The following RAD51B variants were observed in gnomAD, a reference collection of about 807,000 sequenced individuals.
The protein encoded by RAD51B is DNA repair protein RAD51 homolog 2.
In RAD51B, 38 loss-of-function variants were observed where a neutral mutation model predicts 42.2. The observed-to-expected ratio is 0.90, with a 90% CI of 0.70 to 1.18. RAD51B has a LOEUF of 1.18. Among genes scored for constraint, RAD51B ranks in the 50% most tolerant of loss-of-function variants. RAD51B has a pLI of 0.00. For missense variants in RAD51B, 373 were observed against 400.7 expected (o/e 0.93, Z 0.59); for synonymous variants, 154 against 145.2 (o/e 1.06, Z -0.43).
intron 7 of RAD51B, among the ~76,000 whole-genome samples, chr14:68,009,025 T>TA (rs1263734623): frequency 6.6e-6 from 1 of 151,714 alleles, no homozygotes; most frequent in Non-Finnish European, 1.5e-5. Flanking sequence ...GATACATTTT[T>TA]AAAAAACTAT....
intron 7 of RAD51B, among the ~76,000 whole-genome samples, chr14:68,075,524 C>T (rs1033310517): frequency 2.6e-5 from 4 of 152,168 alleles, no homozygotes; most frequent in Non-Finnish European, 5.9e-5. Context: ...AGAGACTGGG[C>T]TCCCCTCCAC....
At chr14:68,109,807 T>G (rs991419710) in intron 7 of RAD51B, among the ~76,000 whole-genome samples, 4 of 151,994 alleles carry the variant, frequency 2.6e-5, no homozygotes. Context: ...TCATGTCTGG[T>G]CTTCCCATTT....
chr14:68,421,937 C>T, intron 9 of RAD51B: 1 of 1,565,708 alleles, frequency 6.4e-7, no homozygotes, highest in Non-Finnish European at 8.8e-7. Context: ...GGATGAAGTT[C>T]TCATTTTCAA....
chr14:68,447,611 C>T (rs562017485), intron 9 of RAD51B, among the ~76,000 whole-genome samples: 1 of 151,958 alleles, frequency 6.6e-6, no homozygotes, highest in South Asian at 2.1e-4. Context: ...TTACAATAAA[C>T]AGCTTTTCTG....
chr14:67,853,497 T>C (rs2041890553), intron 4 of RAD51B, among the ~76,000 whole-genome samples: 2 of 152,252 alleles, frequency 1.3e-5, no homozygotes, highest in Non-Finnish European at 2.9e-5. Flanking sequence ...AAATGGATGC[T>C]GTTCAAGCTG....
At chr14:68,437,704 A>G (rs1234825940) in intron 9 of RAD51B, among the ~76,000 whole-genome samples, 2 of 152,290 alleles carry the variant, frequency 1.3e-5, no homozygotes. Context: ...GAGCCATAGT[A>G]GTAGAGGAGA....
chr14:68,135,768 C>T (rs2077994541), intron 7 of RAD51B, among the ~76,000 whole-genome samples: 1 of 152,142 alleles, frequency 6.6e-6, no homozygotes, highest in African/African-American at 2.4e-5. Context: ...TACAAGCATG[C>T]ACAGGAGAAT....
intron 10 of RAD51B, among the ~76,000 whole-genome samples, chr14:68,535,691 TA>T (rs1375952571): frequency 6.6e-6 from 1 of 152,036 alleles, no homozygotes; most frequent in African/African-American, 2.4e-5. Context: ...AGTGGAAAAG[TA>T]AAGGAACATT....
At chr14:68,149,035 TC>T (rs1490499852) in intron 7 of RAD51B, among the ~76,000 whole-genome samples, 8 of 152,204 alleles carry the variant, frequency 5.3e-5, no homozygotes, top group Admixed American at 5.2e-4. Flanking sequence ...TCTGTTCAGA[TC>T]TTTTACTCAT....
At chr14:68,087,887 TA>T (rs2077012992) in intron 7 of RAD51B, among the ~76,000 whole-genome samples, 3 of 81,092 alleles carry the variant, frequency 3.7e-5, no homozygotes, top group African/African-American at 2.0e-4. Context: ...TATATAATTA[TA>T]TAATATATTA....
chr14:68,197,387 A>G (rs561446183), intron 7 of RAD51B, among the ~76,000 whole-genome samples: 5 of 152,264 alleles, frequency 3.3e-5, no homozygotes, highest in African/African-American at 1.2e-4. Context: ...AATGAGTAGT[A>G]TGCCATTGTA....
chr14:68,080,416 C>T (rs910370110), intron 7 of RAD51B, among the ~76,000 whole-genome samples: 4 of 152,154 alleles, frequency 2.6e-5, no homozygotes, highest in African/African-American at 7.2e-5. Context: ...TCATAGTGCA[C>T]TTGAGTACCC....
intron 11 of RAD51B, among the ~76,000 whole-genome samples, chr14:68,667,460 A>AGGCG (rs1893055631): frequency 1.6e-5 from 2 of 127,974 alleles, no homozygotes; most frequent in Non-Finnish European, 3.5e-5. Flanking sequence ...TCAAATATAA[A>AGGCG]AACTACCTTC....
chr14:67,912,652 A>T (rs2044022811), intron 7 of RAD51B, among the ~76,000 whole-genome samples: 4 of 152,178 alleles, frequency 2.6e-5, no homozygotes. Context: ...AGAAGGGATT[A>T]ACTGTGATTA....
At position 67,835,214 on chromosome 14, in the gene RAD51B, C is replaced by T. The variant is rs760957124; in HGVS notation, c.315+18C>T. ...TCACAGAGGTAAAGGAAAAATTTTT[C>T]GTACCTTCTTCCATTGACCTATAAC... On this transcript the variant is annotated intron_variant, in intron 4 of 10. Coordinates refer to ENST00000471583, the MANE Select transcript of RAD51B (RefSeq NM_133510.4). The T allele has an allele frequency of 8.3e-6, 13 of 1,559,602 alleles. No individual in the cohort carries two copies. The highest frequency in any genetic ancestry group is 1.1e-5 in the Non-Finnish European group (12 of 1,131,706).
At chr14:67,924,714 G>T (rs772189545) in intron 7 of RAD51B, among the ~76,000 whole-genome samples, 1 of 152,180 alleles carries the variant, frequency 6.6e-6, no homozygotes, top group Non-Finnish European at 1.5e-5. Flanking sequence ...GTCACAACAC[G>T]TGGGAATTCA....
chr14:68,285,903 A>T (rs529517963), intron 7 of RAD51B, among the ~76,000 whole-genome samples: 2 of 152,338 alleles, frequency 1.3e-5, no homozygotes, highest in Admixed American at 1.3e-4. Context: ...CAAAATTCAT[A>T]TAAGATTGCC....
chr14:68,335,783 A>G (rs910552949), intron 8 of RAD51B, among the ~76,000 whole-genome samples: 1 of 152,244 alleles, frequency 6.6e-6, no homozygotes, highest in Non-Finnish European at 1.5e-5. Flanking sequence ...TCTAGTAACA[A>G]GAGCAGAAAG....
chr14:68,126,994 A>G (rs2077774237), intron 7 of RAD51B, among the ~76,000 whole-genome samples: 1 of 152,188 alleles, frequency 6.6e-6, no homozygotes, highest in African/African-American at 2.4e-5. Context: ...GTATAAGCTA[A>G]TGAGCCACCT....
Sources: gnomAD v4.1 joint callset for allele counts (sites outside exome capture counted in the v4.1 genomes callset) on GRCh38, gnomAD v4.1.1 for gene constraint, MANE v1.5 for transcripts, NCBI Gene and HGNC (gene_info 2026-07-23, HGNC 2026-07-21) for gene names.